Variants in KMT2D observed in about 807,000 individuals in gnomAD.
KMT2D encodes lysine methyltransferase 2D, also known as histone-lysine N-methyltransferase 2D.
In KMT2D, 55 loss-of-function variants were observed where a neutral mutation model predicts 512.7. The observed-to-expected ratio is 0.11, with a 90% CI of 0.09 to 0.13. KMT2D has a LOEUF of 0.13. Among genes scored for constraint, KMT2D ranks in the 10% least tolerant of loss-of-function variants. The pLI, the probability that KMT2D is intolerant of heterozygous loss-of-function variation, is 1.00. For missense variants in KMT2D, 6,061 were observed against 7,127.9 expected (o/e 0.85, Z 5.39); for synonymous variants, 2,995 against 2,904.0 (o/e 1.03, Z -1.01).
At chr12:49,053,714 C>A (rs2120700402) in intron 6 of KMT2D, 73 bp from the exon 7 acceptor site, 2 of 1,467,612 alleles carry the variant, frequency 1.4e-6, no homozygotes, top group Non-Finnish European at 1.8e-6. Context: ...GTACACAAAA[C>A]AGGCACTCCA....
chr12:49,032,930 T>G lies in KMT2D; in HGVS notation c.11775A>C (p.Gln3925His). ...QQQQQLQQQQ[Q>H]LQQQQLQQQQ... is the part of the protein sequence containing the mutation. ...GCTGTTGAAGCTGTTGCTGCTGAAG[T>G]TGCTGTTGCTGTTGTAGCTGCTGCT... Residue 3925 changes from glutamine to histidine, a missense_variant, in exon 40 of 55, where the codon CAA becomes CAC. Gln to His is a conservative substitution (Grantham distance 24). Transcript: ENST00000301067. 1 of 1,550,104 alleles carries G rather than the reference T, an allele frequency of 6.5e-7. No individual in the cohort carries two copies. The highest frequency in any genetic ancestry group is 8.7e-7 in the Non-Finnish European group (1 of 1,146,814).
At position 49,034,313 on chromosome 12, in the gene KMT2D, C is replaced by T. The variant is rs1264733470; in HGVS notation, c.10508-14G>A. 6.2e-7 allele frequency: 1 copy of T among 1,611,282 alleles called. No individual in the cohort carries two copies. The highest frequency in any genetic ancestry group is 1.7e-5 in the Admixed American group (1 of 59,988). ...GGTCAGCTTCATCTGGGAAAAGAAG[C>T]TGGGTGTCAGGACCTGCAAAAGGGT... On this transcript the variant is annotated splice_polypyrimidine_tract_variant and intron_variant, in intron 38 of 54. Coordinates refer to ENST00000301067, the MANE Select transcript of KMT2D (RefSeq NM_003482.4).
rs146247952 is a variant in KMT2D at position 49,024,164 on chromosome 12, TCTAA to T, written c.16052+410_16052+413del. ...GGTTTTATTATTTTTCTATTATATC[TCTAA>T]CTATTTATTTTTGACACCAACACTC... On this transcript the variant is annotated intron_variant, in intron 51 of 54. Transcript: ENST00000301067. This position sits in a 1 kb window ranked among gnomAD's most constrained non-coding sequence, Gnocchi z 4.5. 1.3e-3 allele frequency: 588 copies of T among 449,192 alleles called. 5 individuals carry two copies. The East Asian group carries it at 0.036, about 28-fold the overall frequency. The allele number at this position is 449,192 out of a possible 1,614,324, so 27.8% of individuals were successfully genotyped here. A position where few individuals can be genotyped will look rare whatever the true frequency, so the allele number is the denominator to read the frequency against.
At position 49,037,340 on chromosome 12, in the gene KMT2D, A is replaced by T. The variant is rs1943269512; in HGVS notation, c.10016T>A (p.Leu3339His). ...LMPTQPPAHA[L>H]QQRLAPSMAM... ...CATGGATGGAGCCAGGCGTTGCTGG[A>T]GGGCATGAGCTGGTGGCTGGGTGGG... Residue 3339 changes from leucine to histidine, a missense_variant, in exon 35 of 55, where the codon CTC becomes CAC. Leu to His is a moderately conservative substitution (Grantham distance 99). Transcript: ENST00000301067. 1 of 1,611,866 alleles carries T rather than the reference A, an allele frequency of 6.2e-7. No individual in the cohort carries two copies. Among genetic ancestry groups the T allele is most frequent in the Non-Finnish European group, 8.5e-7 (1 of 1,179,230 alleles).
chr12:49,050,794 G>A lies in KMT2D; in HGVS notation c.2798-4C>T, dbSNP rs762876997. On this transcript the variant is annotated splice_region_variant and splice_polypyrimidine_tract_variant and intron_variant, in intron 11 of 54. Coordinates refer to ENST00000301067, the MANE Select transcript of KMT2D (RefSeq NM_003482.4). ...GAGAGTGGAGGAGGAAGGGGATCTG[G>A]AAGGAAAGAGAAAAAAGAAGGGCTC... 6.3e-7 allele frequency: 1 copy of A among 1,594,124 alleles called. No individual in the cohort carries two copies. The highest frequency in any genetic ancestry group is 8.6e-7 in the Non-Finnish European group (1 of 1,167,436).
Position 49,029,418 on chromosome 12 carries a change from A to G in KMT2D, c.14058T>C (p.Asn4686=). ...LLAALPTPPH[N]QTEDVRMESD... ...GCCCCTACCTGACATCCTCAGTCTG[A>G]TTGTGAGGGGGTGTAGGCAAGGCAG... The change falls in exon 44 of 55, where the codon AAT becomes AAC. Residue 4686 remains asparagine (N), a synonymous_variant. Transcript: ENST00000301067. 3 of 1,557,796 alleles carry G rather than the reference A, an allele frequency of 1.9e-6. No homozygotes were observed. Among genetic ancestry groups the G allele is most frequent in the Non-Finnish European group, 2.6e-6 (3 of 1,150,092 alleles).
rs1266765475 is a variant in KMT2D, at chr12:49,026,318, A to G, written c.15648T>C (p.Tyr5216=). 2 of 1,612,132 alleles carry G rather than the reference A, an allele frequency of 1.2e-6. No individual in the cohort carries two copies. Among genetic ancestry groups the G allele is most frequent in the Admixed American group, 1.7e-5 (1 of 59,992 alleles). Reference sequence around the variant, plus strand: ...GACGATTGTTGGTGCGGAGGCTCCAATAGATGCGCGTGGCCTCGTAGCCCA... The same window carrying G: ...GACGATTGTTGGTGCGGAGGCTCCAGTAGATGCGCGTGGCCTCGTAGCCCA... ...YPVGYEATRI[Y]WSLRTNNRRC... The change falls in exon 49 of 55, where the codon TAT becomes TAC. Residue 5216 remains tyrosine (Y), a synonymous_variant. Transcript: ENST00000301067. The surrounding 1 kb of genome is among the most constrained non-coding windows in gnomAD (Gnocchi z 9.6).
chr12:49,035,551 C>G (rs962571244), intron 35 of KMT2D: 1 of 152,244 alleles, frequency 6.6e-6, no homozygotes, highest in African/African-American at 2.4e-5. Context: ...CATCCACTTT[C>G]TTTTTTTCTT....
At position 49,040,725 on chromosome 12, in the gene KMT2D, G is replaced by A. The variant is rs56123231; in HGVS notation, c.7045C>T (p.Pro2349Ser). 47 of 1,613,500 alleles carry A rather than the reference G, an allele frequency of 2.9e-5. No homozygotes were observed. Among genetic ancestry groups the A allele is most frequent in the South Asian group, 1.9e-4 (17 of 91,092 alleles). The change falls in exon 32 of 55, where the codon CCC (proline) becomes TCC (serine). Residue 2349 changes from proline (P) to serine (S), a missense_variant. By Grantham distance (74) the Pro-to-Ser change is moderately conservative. Transcript: ENST00000301067. ...EPQSPGLGLRPQEPPPAQALA... is the reference protein window; with the variant it reads ...EPQSPGLGLRSQEPPPAQALA... Reference sequence around the variant, plus strand: ...GCCTGGGCAGGGGGTGGCTCCTGGGGCCTTAGGCCCAAGCCCGGGCTCTGG... The same window carrying A: ...GCCTGGGCAGGGGGTGGCTCCTGGGACCTTAGGCCCAAGCCCGGGCTCTGG...
rs188017299 is a variant in KMT2D, at chr12:49,032,686, G to T, written c.12019C>A (p.Gln4007Lys). ...LGPGMPAKPLQHFSSPGALGP... is the reference protein window; with the variant it reads ...LGPGMPAKPLKHFSSPGALGP... ...AGGGCTCCAGGGCTAGAAAAGTGTT[G>T]AAGAGGCTTTGCTGGCATGCCAGGG... Residue 4007 changes from glutamine to lysine, a missense_variant, in exon 40 of 55, where the codon CAA (glutamine) becomes AAA (lysine). Transcript: ENST00000301067. 7 of 1,613,604 alleles carry T rather than the reference G, an allele frequency of 4.3e-6. No individual in the cohort carries two copies. Among genetic ancestry groups the T allele is most frequent in the Non-Finnish European group, 5.9e-6 (7 of 1,179,738 alleles).
rs1943366356 is a variant in KMT2D at position 49,039,182 on chromosome 12, C to A, written c.8366+40G>T. On this transcript the variant is annotated intron_variant, in intron 34 of 54. Coordinates refer to ENST00000301067, the MANE Select transcript of KMT2D (RefSeq NM_003482.4). The surrounding 1 kb of genome is among the most constrained non-coding windows in gnomAD (Gnocchi z 5.0). ...AGCTTCCAACAGTGATAAAATCCAT[C>A]CCCCTTGGTTTACCCCCAGGGAACC... The A allele has an allele frequency of 5.0e-6, 8 of 1,607,292 alleles. No individual in the cohort carries two copies. Among genetic ancestry groups the A allele is most frequent in the Non-Finnish European group, 6.8e-6 (8 of 1,176,714 alleles).
At position 49,040,058 on chromosome 12, in the gene KMT2D, G is replaced by A. The variant is rs779982818; in HGVS notation, c.7712C>T (p.Thr2571Ile). 29 of 1,613,966 alleles carry A rather than the reference G, an allele frequency of 1.8e-5. No individual in the cohort carries two copies. The highest frequency in any genetic ancestry group is 2.7e-5 in the African/African-American group (2 of 75,070). The change falls in exon 32 of 55, where the codon ACC becomes ATC. Residue 2571 changes from threonine (T) to isoleucine (I), a missense_variant. Physicochemically the swap from Thr to Ile is moderately conservative, Grantham distance 89. Transcript: ENST00000301067. ...GTTTGTGCTTTGAGGCTTGCCCAAG[G>A]TGGGGCCGGGCCCAAAATGGCTGTT... ...GINSHFGPGP[T>I]LGKPQSTNYT...
At position 49,026,583 on chromosome 12, in the gene KMT2D, T is replaced by C; in HGVS notation, c.15383A>G (p.Asp5128Gly). 1 of 1,614,030 alleles carries C rather than the reference T, an allele frequency of 6.2e-7. No homozygotes were observed. The highest frequency in any genetic ancestry group is 8.5e-7 in the Non-Finnish European group (1 of 1,179,906). ...AIRAKCMFFK[D>G]KTMLCPMHKI... is the part of the protein sequence containing the mutation. ...ATGCATTGGACACAGCATGGTCTTG[T>C]CCTTGAAGAACATGCACTTGGCACG... Residue 5128 changes from aspartate (D) to glycine (G), a missense_variant, in exon 49 of 55, where the codon GAC (aspartate) becomes GGC (glycine). Coordinates refer to ENST00000301067, the MANE Select transcript of KMT2D (RefSeq NM_003482.4). This position sits in a 1 kb window ranked among gnomAD's most constrained non-coding sequence, Gnocchi z 9.6.
At chr12:49,043,256 C>A (rs1943622330) in intron 25 of KMT2D, 70 bp from the exon 26 acceptor site, 2 of 1,546,606 alleles carry the variant, frequency 1.3e-6, no homozygotes, top group South Asian at 2.2e-5. Flanking sequence ...CCACAGAGGG[C>A]CATGGGACAG....
In KMT2D at chr12:49,020,906, T is replaced by C; in HGVS notation, c.*874A>G. On this transcript the variant is annotated 3_prime_UTR_variant, in exon 55 of 55. Transcript: ENST00000301067. ...GGCCAGTCATCCCCAATCTTCATCA[T>C]CATTTGCCTCAACCACCATCCCATG... is the stretch of plus-strand genomic sequence containing the variant. 1 of 196,132 alleles carries C rather than the reference T, an allele frequency of 5.1e-6. No individual in the cohort carries two copies. The allele number at this position is 196,132 out of a possible 1,614,324, so 12.1% of individuals were successfully genotyped here.
chr12:49,030,670 C>T lies in KMT2D; in HGVS notation c.13770G>A (p.Gln4590=), dbSNP rs750490102. Residue 4590 remains glutamine (Q), a synonymous_variant, in exon 42 of 55, where the codon CAG becomes CAA. Coordinates refer to ENST00000301067, the MANE Select transcript of KMT2D (RefSeq NM_003482.4). ...GSGCPVNGQS[Q]LRGAFGSGAL... is the part of the protein sequence containing the mutation. ...CCCCACTTCCAAAGGCCCCCCTCAG[C>T]TGGCTCTGCCCATTGACTGGGCAGC... 6.2e-7 allele frequency: 1 copy of T among 1,612,678 alleles called. No homozygotes were observed. Among genetic ancestry groups the T allele is most frequent in the East Asian group, 2.2e-5 (1 of 44,874 alleles).
chr12:49,031,955 G>C lies in KMT2D; in HGVS notation c.12750C>G (p.Thr4250=). 2 of 1,561,914 alleles carry C rather than the reference G, an allele frequency of 1.3e-6. No homozygotes were observed. The highest frequency in any genetic ancestry group is 3.7e-5 in the Admixed American group (2 of 54,702). The stretch of plus-strand genomic sequence containing the variant: ...AGCCCAGGAGGCCCTGGAGGGGAGA[G>C]GTCTGGGTCCCAGGCTCCTGGTAGG... ...TPPYQEPGTQ[T]SPLQGLLGCQ... is the part of the protein sequence containing the mutation. The change falls in exon 40 of 55, where the codon ACC becomes ACG. Residue 4250 remains threonine (T), a synonymous_variant. Transcript: ENST00000301067.
Position 49,027,818 on chromosome 12 carries a change from C to T in KMT2D, c.14628G>A (p.Leu4876=). 1 of 1,572,716 alleles carries T rather than the reference C, an allele frequency of 6.4e-7. No individual in the cohort carries two copies. Among genetic ancestry groups the T allele is most frequent in the Non-Finnish European group, 8.6e-7 (1 of 1,158,978 alleles). Residue 4876 remains leucine (L), a synonymous_variant, in exon 48 of 55, where the codon TTG becomes TTA. Coordinates refer to ENST00000301067, the MANE Select transcript of KMT2D (RefSeq NM_003482.4). ...GYTLKSQLDI[L]SLLKQESPAP... ...CCAGACCTACCTGTTTCAGGAGGCT[C>T]AAGATGTCTAGTTGGCTCTTCAGGG...
Position 49,030,388 on chromosome 12 carries a change from G to C in KMT2D, c.13891C>G (p.Pro4631Ala). 6.3e-7 allele frequency: 1 copy of C among 1,586,486 alleles called. No homozygotes were observed. Residue 4631 changes from proline to alanine, a missense_variant, in exon 43 of 55, where the codon CCC becomes GCC. Transcript: ENST00000301067. ...TPPSSLPPTP[P>A]PSVQQKMVNG... is the part of the protein sequence containing the mutation. ...ACCATCTTCTGCTGCACCGATGGGG[G>C]TGGGGTGGGGGGCAGCGACGAGGGT...
Sources: allele counts gnomAD v4.1 joint callset, GRCh38; gene constraint gnomAD v4.1.1; non-coding constraint Gnocchi (gnomAD v3.1); transcripts MANE v1.5; gene names NCBI Gene and HGNC (gene_info 2026-07-23, HGNC 2026-07-21).